Variants in CSMD1 observed in about 807,000 individuals in gnomAD.
CSMD1 encodes CUB and Sushi multiple domains 1, also known as CUB and sushi domain-containing protein 1.
In CSMD1, 213 loss-of-function variants were observed where a neutral mutation model predicts 417.5. That is an observed-to-expected ratio of 0.51 (90% CI 0.46 to 0.57). CSMD1 has a LOEUF of 0.57. Ranked by LOEUF, CSMD1 falls within the 20% of genes least tolerant of loss-of-function variation. The pLI is 0.00. For missense variants in CSMD1, 6,923 were observed against 4,529.7 expected, an observed-to-expected ratio of 1.53 and a Z score of -15.17; for synonymous variants, 2,862 against 1,736.8, an observed-to-expected ratio of 1.65 and a Z score of -16.11.
At chr8:3,707,471 A>G (rs1157082637) in intron 7 of CSMD1, among the ~76,000 whole-genome samples, 2 of 152,154 alleles carry the variant, frequency 1.3e-5, no homozygotes, top group Non-Finnish European at 2.9e-5. Flanking sequence ...AGAAAACACA[A>G]CCCAATGGGT....
intron 21 of CSMD1, among the ~76,000 whole-genome samples, chr8:3,357,092 G>A (rs567494160): frequency 2.0e-5 from 3 of 152,156 alleles, no homozygotes; most frequent in African/African-American, 4.8e-5. Context: ...GCTCTGCAGC[G>A]GCCAGAATCC....
chr8:4,908,223 T>C (rs1390163593), intron 1 of CSMD1, among the ~76,000 whole-genome samples: 1 of 152,228 alleles, frequency 6.6e-6, no homozygotes, highest in Non-Finnish European at 1.5e-5. Context: ...AGAAATTTGC[T>C]GCAGTGTTTA....
intron 3 of CSMD1, among the ~76,000 whole-genome samples, chr8:4,234,578 C>CT (rs1231646192): frequency 1.3e-5 from 2 of 152,132 alleles, no homozygotes; most frequent in Admixed American, 6.5e-5. Context: ...TTCTGCGCTG[C>CT]TTTTTTAATT....
At position 3,887,865 on chromosome 8, in the gene CSMD1, C is replaced by G. The variant is rs1244494918; in HGVS notation, c.818+110038G>C. The stretch of plus-strand genomic sequence containing the variant: ...GAAACTAAATATTCGAAGTCTTATT[C>G]ATGCTTTTATGTAGAGTGAACAAAA... On this transcript the variant is annotated intron_variant, in intron 5 of 69. Transcript: ENST00000635120. 2.0e-5 allele frequency among the ~76,000 whole-genome samples: 3 copies of G among 152,266 alleles called. No individual in the cohort carries two copies. The South Asian group carries it at 6.2e-4, about 32-fold the overall frequency.
At chr8:3,976,966 C>G (rs567518924) in intron 5 of CSMD1, among the ~76,000 whole-genome samples, 1 of 152,272 alleles carries the variant, frequency 6.6e-6, no homozygotes, top group African/African-American at 2.4e-5. Context: ...GTACACATGT[C>G]ACAGAACACA....
chr8:4,226,731 A>C (rs1000290018), intron 3 of CSMD1, among the ~76,000 whole-genome samples: 2 of 152,230 alleles, frequency 1.3e-5, no homozygotes, highest in Non-Finnish European at 2.9e-5. Context: ...TGAGTTTTTA[A>C]TAATCAGTTA....
At chr8:4,489,776 C>G (rs78860201) in intron 2 of CSMD1, among the ~76,000 whole-genome samples, 2 of 152,114 alleles carry the variant, frequency 1.3e-5, no homozygotes, top group Non-Finnish European at 2.9e-5. Context: ...CCATGAAAAG[C>G]AGATCCTTCT....
intron 2 of CSMD1, among the ~76,000 whole-genome samples, chr8:4,498,115 T>A (rs1469643685): frequency 6.6e-6 from 1 of 152,180 alleles, no homozygotes; most frequent in Non-Finnish European, 1.5e-5. Flanking sequence ...AATAATCCAC[T>A]TTGTCCTTTG....
At position 4,785,334 on chromosome 8, in the gene CSMD1, G is replaced by A. The variant is rs1797349041; in HGVS notation, c.86-147776C>T. On this transcript the variant is annotated intron_variant, in intron 1 of 69. Coordinates refer to ENST00000635120, the MANE Select transcript of CSMD1 (RefSeq NM_033225.6). ...GTGCAAAGCATTGGTGGAAGACTTT[G>A]CTCTTAGGCTGATGGTGTGGAGGTG... Among the ~76,000 whole-genome samples the A allele has an allele frequency of 2.0e-5, 3 of 152,176 alleles. No homozygotes were observed. In the South Asian group the frequency reaches 6.2e-4, roughly 32 times the overall value.
intron 37 of CSMD1, among the ~76,000 whole-genome samples, chr8:3,168,732 G>A (rs1301032128): frequency 1.3e-5 from 2 of 152,162 alleles, no homozygotes; most frequent in East Asian, 1.9e-4. Context: ...TTTATCATCT[G>A]GGAAATTTAG....
At chr8:4,928,826 T>G (rs1002894648) in intron 1 of CSMD1, among the ~76,000 whole-genome samples, 3 of 152,032 alleles carry the variant, frequency 2.0e-5, no homozygotes, top group Non-Finnish European at 4.4e-5. Context: ...TCACAGGACT[T>G]TGGGAGGCTG....
intron 5 of CSMD1, among the ~76,000 whole-genome samples, chr8:3,903,329 T>TAAAAA (rs34629798): frequency 6.7e-6 from 1 of 150,208 alleles, no homozygotes; most frequent in Non-Finnish European, 1.5e-5. Context: ...TCTGTCCAGC[T>TAAAAA]AAAAAAAAAA....
chr8:3,305,445 A>C (rs953064280), intron 25 of CSMD1, among the ~76,000 whole-genome samples: 6 of 151,186 alleles, frequency 4.0e-5, no homozygotes, highest in African/African-American at 1.2e-4. Context: ...TGATTAGGTC[A>C]TAAGGGCTGG....
At chr8:3,888,493 C>T (rs1022709582) in intron 5 of CSMD1, among the ~76,000 whole-genome samples, 1 of 152,192 alleles carries the variant, frequency 6.6e-6, no homozygotes, top group African/African-American at 2.4e-5. Flanking sequence ...ATCATTAGCT[C>T]AAATGAAACA....
At chr8:4,850,380 A>ATATTTTTTTTTTT (rs1403352847) in intron 1 of CSMD1, among the ~76,000 whole-genome samples, 3 of 82,772 alleles carry the variant, frequency 3.6e-5, no homozygotes, top group African/African-American at 1.5e-4. Context: ...AATCCAATTT[A>ATATTTTTTTTTTT]TCTTTTTTTT....
chr8:3,661,346 G>A (rs990514771), intron 7 of CSMD1, among the ~76,000 whole-genome samples: 12 of 152,102 alleles, frequency 7.9e-5, no homozygotes, highest in African/African-American at 2.4e-4. Context: ...CAATCCAGCT[G>A]TTTCTCCACC....
chr8:3,243,220 C>T (rs1401161706), intron 26 of CSMD1, among the ~76,000 whole-genome samples: 1 of 151,994 alleles, frequency 6.6e-6, no homozygotes, highest in African/African-American at 2.4e-5. Flanking sequence ...GGTCTGAGGA[C>T]CCGTGGTGGT....
intron 49 of CSMD1, among the ~76,000 whole-genome samples, chr8:3,065,213 A>G (rs769314753): frequency 1.3e-5 from 2 of 152,194 alleles, no homozygotes; most frequent in Non-Finnish European, 2.9e-5. Flanking sequence ...ATAGTGATAG[A>G]TAAATGACAG....
chr8:4,324,504 C>T (rs1009739397), intron 3 of CSMD1, among the ~76,000 whole-genome samples: 1 of 152,176 alleles, frequency 6.6e-6, no homozygotes, highest in Admixed American at 6.6e-5. Flanking sequence ...GAAGTGCACA[C>T]AAAAGAGGGT....
Sources: allele counts gnomAD v4.1 joint callset (sites outside exome capture counted in the v4.1 genomes callset), GRCh38; gene constraint gnomAD v4.1.1; transcripts MANE v1.5; gene names NCBI Gene and HGNC (gene_info 2026-07-23, HGNC 2026-07-21).